The following GHR variants were observed in gnomAD, a reference collection of about 807,000 sequenced individuals.
The protein encoded by GHR is GH receptor.
GHR carries 35 observed loss-of-function variants against 67.1 expected under a neutral mutation model. The ratio of observed to expected loss-of-function variants is 0.52; its 90% confidence interval spans 0.40 to 0.69. The LOEUF is 0.69. Among genes scored for constraint, GHR ranks in the 30% least tolerant of loss-of-function variants. GHR has a pLI of 0.00. For synonymous variants in GHR, 272 were observed against 269.1 expected (o/e 1.01, Z -0.10); for missense variants, 792 against 764.6 (o/e 1.04, Z -0.42).
At chr5:42,448,237 T>A (rs1743897623) in intron 1 of GHR, among the ~76,000 whole-genome samples, 1 of 152,204 alleles carries the variant, frequency 6.6e-6, no homozygotes, top group African/African-American at 2.4e-5. Flanking sequence ...CCCTTTTCAC[T>A]ACCTTCATGC....
chr5:42,645,100 G>C (rs1407451879), intron 3 of GHR, among the ~76,000 whole-genome samples: 1 of 152,182 alleles, frequency 6.6e-6, no homozygotes. Context: ...GAAAATATTT[G>C]AGTTCTAGCT....
chr5:42,533,658 G>C (rs975984607), intron 1 of GHR, among the ~76,000 whole-genome samples: 34 of 151,558 alleles, frequency 2.2e-4, no homozygotes, highest in African/African-American at 7.7e-4. Context: ...TTACTATTGA[G>C]AATGCTTTTA....
At chr5:42,628,936 G>T (rs1256742071) in intron 2 of GHR, 102 bp from the exon 3 acceptor site, 1 of 723,448 alleles carries the variant, frequency 1.4e-6, no homozygotes, top group East Asian at 2.6e-5. Flanking sequence ...GGGTCCATTC[G>T]GTTGGTTTGG....
intron 1 of GHR, among the ~76,000 whole-genome samples, chr5:42,522,924 G>C (rs1247998437): frequency 6.6e-6 from 1 of 152,206 alleles, no homozygotes; most frequent in Non-Finnish European, 1.5e-5. Context: ...CAAGATAATA[G>C]AGGAGACAAA....
intron 2 of GHR, among the ~76,000 whole-genome samples, chr5:42,621,039 C>T (rs1753417482): frequency 6.6e-6 from 1 of 152,072 alleles, no homozygotes; most frequent in Non-Finnish European, 1.5e-5. Context: ...TTTAGCATTG[C>T]TGTGATTAAT....
At chr5:42,579,632 T>C (rs1307907722) in intron 2 of GHR, among the ~76,000 whole-genome samples, 1 of 152,212 alleles carries the variant, frequency 6.6e-6, no homozygotes, top group Admixed American at 6.5e-5. Flanking sequence ...TTCTAACAAA[T>C]GCTTCCTTTC....
chr5:42,561,455 G>C (rs1749601806), intron 1 of GHR, among the ~76,000 whole-genome samples: 1 of 152,180 alleles, frequency 6.6e-6, no homozygotes, highest in African/African-American at 2.4e-5. Flanking sequence ...CCTGGAGTTG[G>C]TTATAGCATG....
At chr5:42,514,171 G>C (rs193038334) in intron 1 of GHR, 1 of 985,092 alleles carries the variant, frequency 1.0e-6, no homozygotes, top group East Asian at 1.1e-4. Context: ...CATCTTACAA[G>C]TAATTTTTGG....
chr5:42,451,202 A>C (rs188454915), intron 1 of GHR, among the ~76,000 whole-genome samples: 109 of 152,300 alleles, frequency 7.2e-4, no homozygotes, highest in African/African-American at 2.4e-3. Flanking sequence ...TGTCTTGATG[A>C]CATGTCTAGT....
chr5:42,636,149 G>T (rs1011265068), intron 3 of GHR, among the ~76,000 whole-genome samples: 1 of 145,980 alleles, frequency 6.9e-6, no homozygotes, highest in Non-Finnish European at 1.5e-5. Flanking sequence ...GGCGGAGCTT[G>T]CAGTGAGCCG....
intron 2 of GHR, among the ~76,000 whole-genome samples, chr5:42,576,133 TAA>T (rs1231107195): frequency 2.1e-5 from 2 of 93,172 alleles, no homozygotes; most frequent in African/African-American, 9.3e-5. Flanking sequence ...TAAAATAAAA[TAA>T]AATAAAATAG....
intron 1 of GHR, among the ~76,000 whole-genome samples, chr5:42,503,912 C>T (rs1012482540): frequency 4.0e-5 from 6 of 151,834 alleles, no homozygotes; most frequent in African/African-American, 1.5e-4. Context: ...TCTTAGCAGA[C>T]TTATATGTGC....
intron 2 of GHR, among the ~76,000 whole-genome samples, chr5:42,571,018 G>A (rs1750274682): frequency 6.6e-6 from 1 of 152,174 alleles, no homozygotes; most frequent in Non-Finnish European, 1.5e-5. Flanking sequence ...TAATTAACCT[G>A]TGGATTTTTG....
intron 6 of GHR, among the ~76,000 whole-genome samples, chr5:42,704,013 C>A (rs548092112): frequency 6.6e-6 from 1 of 151,976 alleles, no homozygotes; most frequent in East Asian, 1.9e-4. Flanking sequence ...TTTTCCTTCT[C>A]AATTTTGGAT....
At chr5:42,442,474 A>T (rs1351353692) in intron 1 of GHR, among the ~76,000 whole-genome samples, 3 of 152,202 alleles carry the variant, frequency 2.0e-5, no homozygotes, top group Non-Finnish European at 2.9e-5. Flanking sequence ...TGGGCAAGGG[A>T]GCTTCTGGAG....
At chr5:42,669,552 A>G (rs1487087781) in intron 3 of GHR, among the ~76,000 whole-genome samples, 3 of 152,130 alleles carry the variant, frequency 2.0e-5, no homozygotes, top group Non-Finnish European at 4.4e-5. Context: ...ACTTTTTCCT[A>G]CCATTCCTGG....
chr5:42,671,765 G>A (rs1238947656), intron 3 of GHR, among the ~76,000 whole-genome samples: 2 of 151,700 alleles, frequency 1.3e-5, no homozygotes, highest in African/African-American at 4.8e-5. Flanking sequence ...GACCATCCCG[G>A]CTAAAACGGT....
chr5:42,704,816 G>A (rs777965072), intron 6 of GHR, among the ~76,000 whole-genome samples: 1 of 151,876 alleles, frequency 6.6e-6, no homozygotes, highest in Non-Finnish European at 1.5e-5. Context: ...TTTCAGAATG[G>A]TCTCTTATGA....
intron 3 of GHR, among the ~76,000 whole-genome samples, chr5:42,659,579 T>A (rs1453865966): frequency 6.6e-6 from 1 of 152,174 alleles, no homozygotes; most frequent in African/African-American, 2.4e-5. Flanking sequence ...CAAAAGGACA[T>A]ACCTGAGACT....
Sources: allele counts gnomAD v4.1 joint callset (sites outside exome capture counted in the v4.1 genomes callset), GRCh38; gene constraint gnomAD v4.1.1; transcripts MANE v1.5; gene names NCBI Gene and HGNC (gene_info 2026-07-23, HGNC 2026-07-21).